Variants in PPRC1 observed in about 807,000 individuals in gnomAD.
PPRC1 encodes peroxisome proliferator-activated receptor gamma coactivator-related protein 1.
A neutral mutation model predicts 132.5 loss-of-function variants in PPRC1; 23 were observed. The ratio of observed to expected loss-of-function variants is 0.17; its 90% confidence interval spans 0.12 to 0.25. The LOEUF (loss-of-function observed/expected upper bound fraction) is 0.25. PPRC1 is among the 10% of genes least tolerant of loss of function. PPRC1 has a pLI of 1.00. For synonymous variants in PPRC1, 872 were observed against 833.5 expected, an observed-to-expected ratio of 1.05 and a Z score of -0.80; for missense variants, 2,006 against 2,089.1, an observed-to-expected ratio of 0.96 and a Z score of 0.78.
At chr10:102,144,113 A>T (rs930136427) in intron 6 of PPRC1, 137 bp from the exon 7 acceptor site, 26 of 804,844 alleles carry the variant, frequency 3.2e-5, no homozygotes, top group Admixed American at 3.2e-4. Flanking sequence ...AGGAGACTAG[A>T]TCTCTTTGGG....
At chr10:102,124,704 A>G in the PPRC1 span, among the ~76,000 whole-genome samples, 4 of 144,596 alleles carry the variant, frequency 2.8e-5, no homozygotes, top group African/African-American at 1.0e-4. Context: ...GTGCAGTGAT[A>G]TGGTCATAGG....
At chr10:102,131,900 C>G (rs2068548867), upstream of PPRC1, among the ~76,000 whole-genome samples, 1 of 152,184 alleles carries the variant, frequency 6.6e-6, no homozygotes, top group Non-Finnish European at 1.5e-5. Flanking sequence ...TCAAGTGATT[C>G]ACCCACTTCA....
rs1590337278 is a variant in PPRC1 at position 102,141,121 on chromosome 10, A to C, written c.2613A>C (p.Thr871=). The C allele has an allele frequency of 6.2e-7, 1 of 1,613,132 alleles. No homozygotes were observed. The highest frequency in any genetic ancestry group is 2.2e-5 in the East Asian group (1 of 44,848). Residue 871 remains threonine, a synonymous_variant, in exon 5 of 14, where the codon ACA becomes ACC. Transcript: ENST00000278070. ...AGTCTGTGTCCCCTGCTGTGCCCAC[A>C]CCTCCCTCGATGTCTGCTGCCCTGC... ...PVQSVSPAVP[T]PPSMSAALPF...
At chr10:102,134,483 A>G (rs1448937857) in intron 1 of PPRC1, among the ~76,000 whole-genome samples, 1 of 152,174 alleles carries the variant, frequency 6.6e-6, no homozygotes, top group Non-Finnish European at 1.5e-5. Context: ...AATTAGTTTG[A>G]ACTGTTACCT....
chr10:102,147,096 C>T lies in PPRC1; in HGVS notation c.4104C>T (p.Pro1368=), dbSNP rs779858258. 2.5e-6 allele frequency: 4 copies of T among 1,614,100 alleles called. No individual in the cohort carries two copies. Among genetic ancestry groups the T allele is most frequent in the African/African-American group, 2.7e-5 (2 of 74,940 alleles). ...TSSEQADPSA[P]CLAPSSLLSP... ...GTGAGCAGGCAGATCCCTCAGCACC[C>T]TGCCTTGCCCCATCCAGCTTGCTGT... The change falls in exon 9 of 14, where the codon CCC becomes CCT. Residue 1368 remains proline (P), a synonymous_variant. Transcript: ENST00000278070.
chr10:102,120,420 C>A, the PPRC1 span: 1 of 982,700 alleles, frequency 1.0e-6, no homozygotes, highest in Non-Finnish European at 1.2e-6. Flanking sequence ...TGCGCTCCCG[C>A]CGCCGTCGCC....
intron 6 of PPRC1, among the ~76,000 whole-genome samples, chr10:102,143,491 C>T (rs976536594): frequency 6.7e-5 from 10 of 150,180 alleles, no homozygotes; most frequent in African/African-American, 2.2e-4. Flanking sequence ...CCCAGTTACT[C>T]GGGAGGCTGA....
At chr10:102,142,842 G>C in intron 5 of PPRC1, 1 of 457,184 alleles carries the variant, frequency 2.2e-6, no homozygotes, top group Non-Finnish European at 4.0e-6. Flanking sequence ...GTGTGCCACC[G>C]TGCCTGGCTG....
chr10:102,141,750 C>T lies in PPRC1; in HGVS notation c.3242C>T (p.Ala1081Val), dbSNP rs1476712829. ...SALVQSPQMK[A>V]LACVSAEGVT... is the part of the protein sequence containing the mutation. Reference sequence around the variant, plus strand: ...CTGGTGCAAAGTCCCCAGATGAAGGCTCTAGCATGTGTGTCTGCTGAAGGT... The same window carrying T: ...CTGGTGCAAAGTCCCCAGATGAAGGTTCTAGCATGTGTGTCTGCTGAAGGT... Residue 1081 changes from alanine to valine, a missense_variant, in exon 5 of 14, where the codon GCT becomes GTT. This residue lies in a region of PPRC1 where 1,914 missense variants were observed against 1,917.2 expected (regional missense o/e 1.00). Transcript: ENST00000278070. 1.2e-6 allele frequency: 2 copies of T among 1,613,968 alleles called. No individual in the cohort carries two copies. Among genetic ancestry groups the T allele is most frequent in the Admixed American group, 1.7e-5 (1 of 59,972 alleles).
chr10:102,127,035 A>G, the PPRC1 span, among the ~76,000 whole-genome samples: 16 of 52,248 alleles, frequency 3.1e-4, no homozygotes, highest in Non-Finnish European at 6.2e-4. Flanking sequence ...ATATATATAT[A>G]TATATATATA....
chr10:102,130,441 A>C (rs895753442), upstream of PPRC1, among the ~76,000 whole-genome samples: 1 of 143,266 alleles, frequency 7.0e-6, no homozygotes, highest in African/African-American at 2.7e-5. Flanking sequence ...AAAAAAAAAA[A>C]ACAACTAAAC....
In PPRC1 at chr10:102,140,223, C is replaced by T. The variant is rs371168028; in HGVS notation, c.1715C>T (p.Thr572Ile). ...ADTIQTNPIP[T>I]HLSLVDSAQA... ...ACTATCCAAACCAATCCTATACCAA[C>T]CCATCTCTCATTGGTCGACTCTGCC... The change falls in exon 5 of 14, where the codon ACC becomes ATC. Residue 572 changes from threonine to isoleucine, a missense_variant. Transcript: ENST00000278070. 6.8e-5 allele frequency: 110 copies of T among 1,614,116 alleles called. No homozygotes were observed. Among genetic ancestry groups the T allele is most frequent in the Non-Finnish European group, 9.1e-5 (107 of 1,180,050 alleles).
chr10:102,133,200 C>A lies in PPRC1; in HGVS notation c.132C>A (p.Gly44=). The part of the protein sequence containing the change: ...SRSQAPYGTL[G]AVSGGEQVLL... ...GCCAAGCGCCGTATGGGACTTTGGG[C>A]GCTGTGAGCGGCGGCGAGCAGGTGA... Residue 44 remains glycine, a synonymous_variant, in exon 1 of 14, where the codon GGC becomes GGA. Coordinates refer to ENST00000278070, the MANE Select transcript of PPRC1 (RefSeq NM_015062.5). The A allele has an allele frequency of 7.8e-7, 1 of 1,281,562 alleles. No homozygotes were observed. The highest frequency in any genetic ancestry group is 9.9e-7 in the Non-Finnish European group (1 of 1,007,462). 79.4% of individuals were successfully genotyped at this position (1,281,562 alleles called of 1,614,324 possible). A position where few individuals can be genotyped will look rare whatever the true frequency, so the allele number is the denominator to read the frequency against.
At chr10:102,120,244 C>G in the PPRC1 span, 2 of 982,888 alleles carry the variant, frequency 2.0e-6, no homozygotes, top group Non-Finnish European at 2.4e-6. Context: ...GGCCTCGGCC[C>G]GGTGCGGGCG....
chr10:102,123,112 C>T, the PPRC1 span, among the ~76,000 whole-genome samples: 2 of 152,234 alleles, frequency 1.3e-5, no homozygotes, highest in African/African-American at 4.8e-5. Flanking sequence ...AAGGAAATAC[C>T]ATCTCAGTAC....
intron 2 of PPRC1, among the ~76,000 whole-genome samples, chr10:102,138,403 C>T (rs2068803918): frequency 6.6e-6 from 1 of 152,186 alleles, no homozygotes; most frequent in African/African-American, 2.4e-5. Context: ...GTGTGAAACC[C>T]AAGCTTGAGT....
the PPRC1 span, among the ~76,000 whole-genome samples, chr10:102,127,058 T>A: frequency 1.4e-5 from 1 of 72,978 alleles, no homozygotes; most frequent in African/African-American, 4.0e-5. Flanking sequence ...TATATATATA[T>A]ATATATATAT....
In PPRC1 at chr10:102,141,916, C is replaced by T. The variant is rs1326050525; in HGVS notation, c.3408C>T (p.His1136=). 3 of 1,614,074 alleles carry T rather than the reference C, an allele frequency of 1.9e-6. No homozygotes were observed. The highest frequency in any genetic ancestry group is 1.3e-5 in the African/African-American group (1 of 74,938). The stretch of plus-strand genomic sequence containing the variant: ...CTGTCCCCAAGCTGCCTGCTGTCCA[C>T]CCAGCCCGTCTAAGGAAGCTGTCCT... ...QSTVPKLPAV[H]PARLRKLSFL... is the part of the protein sequence containing the mutation. The change falls in exon 5 of 14, where the codon CAC becomes CAT. Residue 1136 remains histidine, a synonymous_variant. Coordinates refer to ENST00000278070, the MANE Select transcript of PPRC1 (RefSeq NM_015062.5).
rs1207956543 is a variant in PPRC1, at chr10:102,148,456, A to G, written c.4485A>G (p.Ser1495=). The G allele has an allele frequency of 1.2e-5, 20 of 1,611,484 alleles. No individual in the cohort carries two copies. The East Asian group carries it at 3.6e-4, about 29-fold the overall frequency. ...CTTCCTCTTCGTCTTCCTCATCCTC[A>G]TCATCCAGTTCTCGAAGCCGCTCAC... ...SSSSSSSSSS[S]SSSSRSRSRS... The change falls in exon 10 of 14, where the codon TCA becomes TCG. Residue 1495 remains serine (S), a synonymous_variant. Coordinates refer to ENST00000278070, the MANE Select transcript of PPRC1 (RefSeq NM_015062.5). This position sits in a 1 kb window ranked among gnomAD's most constrained non-coding sequence, Gnocchi z 4.2.
Sources: allele counts gnomAD v4.1 joint callset (sites outside exome capture counted in the v4.1 genomes callset), GRCh38; gene constraint gnomAD v4.1.1; regional missense constraint gnomAD v4.1.1; non-coding constraint Gnocchi (gnomAD v3.1); transcripts MANE v1.5; gene names NCBI Gene and HGNC (gene_info 2026-07-23, HGNC 2026-07-21).